GHR: variants seen among roughly 807,000 people sequenced by gnomAD.
GHR encodes growth hormone receptor.
A neutral mutation model predicts 67.1 loss-of-function variants in GHR; 35 were observed. That is an observed-to-expected ratio of 0.52 (90% CI 0.40 to 0.69). GHR has a LOEUF of 0.69. GHR is among the 30% of genes least tolerant of loss of function. The probability of loss-of-function intolerance (pLI) is 0.00; values close to 1 mark genes in which losing one functional copy is unlikely to be tolerated. For synonymous variants in GHR, 272 were observed against 269.1 expected (o/e 1.01, Z -0.10); for missense variants, 792 against 764.6 (o/e 1.04, Z -0.42).
chr5:42,673,410 A>T (rs1756415637), intron 3 of GHR, among the ~76,000 whole-genome samples: 1 of 152,174 alleles, frequency 6.6e-6, no homozygotes, highest in Non-Finnish European at 1.5e-5. Context: ...CACTGGGTAT[A>T]TATCCAAAAG....
rs116433210 is a variant in GHR at position 42,639,325 on chromosome 5, C to T, written c.136+10222C>T. Among the ~76,000 whole-genome samples, 142 of 152,248 alleles carry T rather than the reference C, an allele frequency of 9.3e-4. 2 individuals are homozygous for T. Among genetic ancestry groups the T allele is most frequent in the African/African-American group, 3.4e-3 (142 of 41,542 alleles). Reference sequence around the variant, plus strand: ...GATTCTCTCTTTAGGAAATTGTGCACTTTAAAGACTCATAAACCTGAAACC... The same window carrying T: ...GATTCTCTCTTTAGGAAATTGTGCATTTTAAAGACTCATAAACCTGAAACC... On this transcript the variant is annotated intron_variant, in intron 3 of 9. Coordinates refer to ENST00000230882, the MANE Select transcript of GHR (RefSeq NM_000163.5).
chr5:42,558,375 G>A (rs1233585567), intron 1 of GHR, among the ~76,000 whole-genome samples: 3 of 152,150 alleles, frequency 2.0e-5, no homozygotes, highest in Non-Finnish European at 2.9e-5. Context: ...TATGCCCATA[G>A]TAAGCATTTA....
chr5:42,441,699 C>T (rs941656709), intron 1 of GHR, among the ~76,000 whole-genome samples: 13 of 152,050 alleles, frequency 8.5e-5, no homozygotes, highest in African/African-American at 3.1e-4. Context: ...TTAGTAGAGA[C>T]GGGGTTTCAC....
At chr5:42,493,136 G>A (rs1027732672) in intron 1 of GHR, among the ~76,000 whole-genome samples, 1 of 152,164 alleles carries the variant, frequency 6.6e-6, no homozygotes, top group African/African-American at 2.4e-5. Context: ...AGTGATTGGG[G>A]CGTTTTCTGG....
intron 1 of GHR, among the ~76,000 whole-genome samples, chr5:42,453,128 G>C (rs948515102): frequency 6.6e-6 from 1 of 151,660 alleles, no homozygotes; most frequent in Non-Finnish European, 1.5e-5. Flanking sequence ...TGGAGTCTTG[G>C]TGCTTGTAGG....
At chr5:42,667,678 A>G (rs891192744) in intron 3 of GHR, among the ~76,000 whole-genome samples, 1 of 152,200 alleles carries the variant, frequency 6.6e-6, no homozygotes, top group Admixed American at 6.5e-5. Flanking sequence ...GCCCAAGGAA[A>G]GGCATCTCAA....
chr5:42,464,670 A>G (rs1744649882), intron 1 of GHR, among the ~76,000 whole-genome samples: 3 of 152,204 alleles, frequency 2.0e-5, no homozygotes, highest in African/African-American at 2.4e-5. Flanking sequence ...TGTTAAGGGT[A>G]TAAAGAGATT....
chr5:42,541,038 C>T lies in GHR; in HGVS notation c.-11-24826C>T, dbSNP rs904803298. Among the ~76,000 whole-genome samples the T allele has an allele frequency of 2.0e-5, 3 of 150,290 alleles. No individual in the cohort carries two copies. The East Asian group carries it at 5.9e-4, about 30-fold the overall frequency. ...TTACAAGCAATATCTAGTTGAATTA[C>T]CCACCATGTTTTACTTTTTTCCTCA... On this transcript the variant is annotated intron_variant, in intron 1 of 9. Coordinates refer to ENST00000230882, the MANE Select transcript of GHR (RefSeq NM_000163.5).
intron 6 of GHR, among the ~76,000 whole-genome samples, chr5:42,708,353 TTTAAGTCTGACA>T (rs1394819748): frequency 1.3e-5 from 2 of 152,200 alleles, no homozygotes; most frequent in Non-Finnish European, 2.9e-5. Flanking sequence ...GTCATCTTCC[TTTAAGTCTGACA>T]TTAAATAAAT....
chr5:42,516,816 T>A (rs1265261068), intron 1 of GHR, among the ~76,000 whole-genome samples: 1 of 152,214 alleles, frequency 6.6e-6, no homozygotes, highest in Non-Finnish European at 1.5e-5. Context: ...GCCAGTTGCC[T>A]CATGTCCTCT....
chr5:42,433,992 G>A (rs1743214533), intron 1 of GHR, among the ~76,000 whole-genome samples: 1 of 152,100 alleles, frequency 6.6e-6, no homozygotes, highest in African/African-American at 2.4e-5. Flanking sequence ...TGATTGGATA[G>A]TGGTGGCTGC....
At chr5:42,644,328 C>T (rs1384423564) in intron 3 of GHR, among the ~76,000 whole-genome samples, 1 of 152,122 alleles carries the variant, frequency 6.6e-6, no homozygotes, top group Non-Finnish European at 1.5e-5. Context: ...TCAAAGTAAG[C>T]CTCTAGGTCT....
intron 1 of GHR, among the ~76,000 whole-genome samples, chr5:42,440,804 A>G (rs532984274): frequency 6.6e-6 from 1 of 152,270 alleles, no homozygotes; most frequent in African/African-American, 2.4e-5. Flanking sequence ...TTGTGAAGTA[A>G]AGTTGACTGT....
At chr5:42,496,966 A>C (rs1746347295) in intron 1 of GHR, among the ~76,000 whole-genome samples, 1 of 152,198 alleles carries the variant, frequency 6.6e-6, no homozygotes, top group African/African-American at 2.4e-5. Flanking sequence ...CAAAGCACTT[A>C]CACCAGTATT....
intron 1 of GHR, among the ~76,000 whole-genome samples, chr5:42,452,889 C>A (rs1744110407): frequency 6.6e-6 from 1 of 152,044 alleles, no homozygotes; most frequent in Admixed American, 6.6e-5. Context: ...AATTCTTTGT[C>A]TGGAAATTCA....
At chr5:42,659,123 C>T (rs1369493482) in intron 3 of GHR, 1 of 152,092 alleles carries the variant, frequency 6.6e-6, no homozygotes, top group Non-Finnish European at 1.5e-5. Flanking sequence ...TGAAGACTAA[C>T]CAAGTGCCAA....
chr5:42,621,455 T>A (rs1384041677), intron 2 of GHR, among the ~76,000 whole-genome samples: 6 of 152,096 alleles, frequency 3.9e-5, no homozygotes, highest in Admixed American at 1.3e-4. Context: ...AGGATGTTTA[T>A]GAAAAACTCA....
At chr5:42,616,086 G>C (rs778652120) in intron 2 of GHR, among the ~76,000 whole-genome samples, 4 of 151,974 alleles carry the variant, frequency 2.6e-5, no homozygotes, top group Non-Finnish European at 4.4e-5. Flanking sequence ...TGGGGATCTT[G>C]GTGGCCATGA....
In GHR at chr5:42,546,002, G is replaced by T. The variant is rs537696123; in HGVS notation, c.-11-19862G>T. On this transcript the variant is annotated intron_variant, in intron 1 of 9. Transcript: ENST00000230882. ...GTTCTAACAGTTCCAAATACTTTTGGTTTCAGCACACTAATAGGATTTATA... is the reference window on the plus strand; with the variant it reads ...GTTCTAACAGTTCCAAATACTTTTGTTTTCAGCACACTAATAGGATTTATA... Among the ~76,000 whole-genome samples, 4 of 152,168 alleles carry T rather than the reference G, an allele frequency of 2.6e-5. No homozygotes were observed. In the South Asian group the frequency reaches 6.2e-4, roughly 24 times the overall value.
Sources: gnomAD v4.1 joint callset for allele counts (sites outside exome capture counted in the v4.1 genomes callset) on GRCh38, gnomAD v4.1.1 for gene constraint, MANE v1.5 for transcripts, NCBI Gene and HGNC (gene_info 2026-07-23, HGNC 2026-07-21) for gene names.